The following C4orf51 variants were observed in gnomAD, a reference collection of about 807,000 sequenced individuals.
C4orf51 encodes the protein chromosome 4 open reading frame 51.
A neutral mutation model predicts 25.2 loss-of-function variants in C4orf51; 25 were observed. The observed-to-expected ratio is 0.99, with a 90% CI of 0.72 to 1.39. The LOEUF (loss-of-function observed/expected upper bound fraction) is 1.39, where lower values mean the gene tolerates loss of function less well. Ranked by LOEUF, C4orf51 falls within the 40% of genes most tolerant of loss-of-function variation. The pLI, the probability that C4orf51 is intolerant of heterozygous loss-of-function variation, is 0.00. For synonymous variants in C4orf51, 100 were observed against 84.5 expected, an observed-to-expected ratio of 1.18 and a Z score of -1.01; for missense variants, 252 against 239.6, an observed-to-expected ratio of 1.05 and a Z score of -0.34.
At chr4:145,716,068 T>G (rs1731392499) in intron 2 of C4orf51, among the ~76,000 whole-genome samples, 1 of 152,254 alleles carries the variant, frequency 6.6e-6, no homozygotes, top group Non-Finnish European at 1.5e-5. Flanking sequence ...TTAACACTAA[T>G]TGTTATAGAT....
intron 2 of C4orf51, among the ~76,000 whole-genome samples, chr4:145,710,795 G>C (rs1055438496): frequency 6.6e-6 from 1 of 151,968 alleles, no homozygotes; most frequent in Non-Finnish European, 1.5e-5. Context: ...TGTGTGGTGG[G>C]GGGTGTGGGG....
At chr4:145,725,184 TAAA>T (rs1437507056) in intron 2 of C4orf51, among the ~76,000 whole-genome samples, 1 of 151,080 alleles carries the variant, frequency 6.6e-6, no homozygotes, top group Non-Finnish European at 1.5e-5. Flanking sequence ...CCTATTGAAA[TAAA>T]AAAATTAGAA....
At chr4:145,785,949 C>T in the C4orf51 span, among the ~76,000 whole-genome samples, 1 of 152,128 alleles carries the variant, frequency 6.6e-6, no homozygotes, top group Non-Finnish European at 1.5e-5. Flanking sequence ...TATTTCCAGG[C>T]ACAGAGATGT....
At chr4:145,754,711 T>C (rs1579041647), downstream of C4orf51, among the ~76,000 whole-genome samples, 1 of 152,026 alleles carries the variant, frequency 6.6e-6, no homozygotes. Flanking sequence ...AAGGCAGGAG[T>C]ATCACTTGAG....
At chr4:145,701,159 A>G (rs1315094387) in intron 2 of C4orf51, among the ~76,000 whole-genome samples, 2 of 151,982 alleles carry the variant, frequency 1.3e-5, no homozygotes, top group African/African-American at 4.8e-5. Flanking sequence ...TGCTCCCAAC[A>G]TTAAACTCCA....
intron 4 of C4orf51, among the ~76,000 whole-genome samples, chr4:145,729,507 T>C (rs533793799): frequency 3.4e-4 from 52 of 152,048 alleles, no homozygotes; most frequent in Non-Finnish European, 5.0e-4. Flanking sequence ...TTCACCGTGT[T>C]AGCCAGGATG....
intron 1 of C4orf51, among the ~76,000 whole-genome samples, chr4:145,769,044 G>A (rs7672025): frequency 0.017 from 2,526 of 150,220 alleles, 50 homozygotes; most frequent in Non-Finnish European, 0.023. Flanking sequence ...ATTTTTAAAA[G>A]TTTTTAAAAA....
chr4:145,749,184 AT>A (rs906673047), intron 1 of C4orf51, among the ~76,000 whole-genome samples: 3 of 151,372 alleles, frequency 2.0e-5, no homozygotes, highest in Admixed American at 6.6e-5. Flanking sequence ...TTTGAAAACT[AT>A]TTTGTCTGAT....
chr4:145,744,603 C>T (rs1479506062), intron 1 of C4orf51, among the ~76,000 whole-genome samples: 1 of 151,800 alleles, frequency 6.6e-6, no homozygotes, highest in African/African-American at 2.4e-5. Context: ...GGGTGGATCA[C>T]GAGGTCAGGA....
At chr4:145,712,936 G>A (rs1731213559) in intron 2 of C4orf51, among the ~76,000 whole-genome samples, 1 of 152,178 alleles carries the variant, frequency 6.6e-6, no homozygotes, top group South Asian at 2.1e-4. Flanking sequence ...AAGTCCTAGG[G>A]CCCATAAGAA....
chr4:145,680,285 C>T lies in C4orf51; in HGVS notation c.82C>T (p.Arg28Cys), dbSNP rs772069422. 5.8e-5 allele frequency: 93 copies of T among 1,613,916 alleles called. No homozygotes were observed. Among genetic ancestry groups the T allele is most frequent in the South Asian group, 2.2e-4 (20 of 91,084 alleles). Residue 28 changes from arginine to cysteine, a missense_variant, in exon 1 of 6, where the codon CGC becomes TGC. Coordinates refer to ENST00000438731, the MANE Select transcript of C4orf51 (RefSeq NM_001080531.3). ...LTSQEFDLIRRKAGASWQDET... is the reference protein window; with the variant it reads ...LTSQEFDLIRCKAGASWQDET... Reference sequence around the variant, plus strand: ...TTCTCAAGAGTTTGATCTGATCAGACGCAAGGCTGGAGCATCTTGGCAGGA... The same window carrying T: ...TTCTCAAGAGTTTGATCTGATCAGATGCAAGGCTGGAGCATCTTGGCAGGA...
intron 2 of C4orf51, among the ~76,000 whole-genome samples, chr4:145,726,115 C>G (rs1253501714): frequency 6.6e-6 from 1 of 152,166 alleles, no homozygotes; most frequent in Non-Finnish European, 1.5e-5. Context: ...AGAAGAATTA[C>G]TATGAATTTA....
chr4:145,762,009 C>G lies in C4orf51; in HGVS notation n.167-8979C>G, dbSNP rs1403146880. On this transcript the variant is annotated intron_variant and non_coding_transcript_variant, in intron 1 of 1. Transcript: ENST00000510096. This position sits in a 1 kb window ranked among gnomAD's most constrained non-coding sequence, Gnocchi z 4.9. ...TCCTGACCTCCCCTCTAGATGGGAG[C>G]AACACAAAGAATCGACTTTTCATGC... 6.6e-6 allele frequency among the ~76,000 whole-genome samples: 1 copy of G among 152,084 alleles called. No homozygotes were observed. The highest frequency in any genetic ancestry group is 1.9e-4 in the East Asian group (1 of 5,182).
the C4orf51 span, among the ~76,000 whole-genome samples, chr4:145,777,635 C>G: frequency 1.3e-4 from 20 of 152,248 alleles, no homozygotes; most frequent in Middle Eastern, 6.8e-3. Context: ...TTTCCTTTTT[C>G]ATTCCTAACT....
chr4:145,778,978 G>A, the C4orf51 span, among the ~76,000 whole-genome samples: 20 of 152,204 alleles, frequency 1.3e-4, no homozygotes, highest in African/African-American at 4.6e-4. Flanking sequence ...CATAAATAAA[G>A]GCAGAAGCTG....
intron 2 of C4orf51, among the ~76,000 whole-genome samples, chr4:145,700,285 C>T (rs1305423274): frequency 6.6e-6 from 1 of 151,956 alleles, no homozygotes; most frequent in Non-Finnish European, 1.5e-5. Flanking sequence ...CGTGCCCTGA[C>T]CCCCCTCCCT....
chr4:145,708,574 C>G (rs1730964186), intron 2 of C4orf51, among the ~76,000 whole-genome samples: 1 of 152,192 alleles, frequency 6.6e-6, no homozygotes, highest in Non-Finnish European at 1.5e-5. Context: ...TCACCTTGGT[C>G]CCATCTCATC....
At chr4:145,774,712 G>A, downstream of C4orf51, 1 of 1,596,112 alleles carries the variant, frequency 6.3e-7, no homozygotes, top group East Asian at 2.2e-5. Context: ...GAGAGAAAAG[G>A]GTGACACATA....
At chr4:145,742,034 A>G (rs762270257) in intron 1 of C4orf51, among the ~76,000 whole-genome samples, 61 of 152,162 alleles carry the variant, frequency 4.0e-4, no homozygotes, top group Non-Finnish European at 4.7e-4. Flanking sequence ...ACTAAACTCA[A>G]TACAAGGGTA....
Sources: gnomAD v4.1 joint callset for allele counts (sites outside exome capture counted in the v4.1 genomes callset) on GRCh38, gnomAD v4.1.1 for gene constraint, Gnocchi (gnomAD v3.1) non-coding constraint, MANE v1.5 for transcripts, NCBI Gene and HGNC (gene_info 2026-07-23, HGNC 2026-07-21) for gene names.